ZC3H18: variants seen among roughly 807,000 people sequenced by gnomAD.
The protein encoded by ZC3H18 is zinc finger CCCH domain-containing protein 18.
ZC3H18 carries 8 observed loss-of-function variants against 106.1 expected under a neutral mutation model. That is an observed-to-expected ratio of 0.08 (90% CI 0.04 to 0.14). The LOEUF is 0.14. Ranked by LOEUF, ZC3H18 falls within the 10% of genes least tolerant of loss-of-function variation. The pLI, the probability that ZC3H18 is intolerant of heterozygous loss-of-function variation, is 1.00. For missense variants in ZC3H18, 1,318 were observed against 1,278.4 expected, an observed-to-expected ratio of 1.03 and a Z score of -0.47; for synonymous variants, 635 against 522.1, an observed-to-expected ratio of 1.22 and a Z score of -2.95.
intron 2 of ZC3H18, among the ~76,000 whole-genome samples, chr16:88,578,006 C>T (rs1049230879): frequency 6.6e-6 from 1 of 152,178 alleles, no homozygotes; most frequent in East Asian, 1.9e-4. Flanking sequence ...AGTGAAAGGT[C>T]CAGCGCCCAG....
At chr16:88,584,247 C>A (rs1457265742) in intron 2 of ZC3H18, among the ~76,000 whole-genome samples, 3 of 152,054 alleles carry the variant, frequency 2.0e-5, no homozygotes, top group African/African-American at 7.3e-5. Context: ...CATGGCAAAA[C>A]CCCGTCTCTA....
Position 88,570,416 on chromosome 16 carries a change from G to A in ZC3H18, c.-165G>A, listed in dbSNP as rs1458334338. ...TCGCGGCCTGATGACGTCGCACAAT[G>A]GCCGGCCCCCGCGGGTAGTGGAGCC... On this transcript the variant is annotated 5_prime_UTR_variant, in exon 1 of 18. The change abolishes an upstream ATG in the 5' untranslated region. Coordinates refer to ENST00000301011, the MANE Select transcript of ZC3H18 (RefSeq NM_144604.4). The A allele has an allele frequency of 6.6e-6, 1 of 152,008 alleles. No homozygotes were observed. The highest frequency in any genetic ancestry group is 1.9e-4 in the East Asian group (1 of 5,186). The allele number at this position is 152,008 out of a possible 1,614,324, so 9.4% of individuals were successfully genotyped here. A position where few individuals can be genotyped will look rare whatever the true frequency, so the allele number is the denominator to read the frequency against.
intron 8 of ZC3H18, among the ~76,000 whole-genome samples, chr16:88,614,859 C>T (rs904852938): frequency 1.3e-5 from 2 of 152,248 alleles, no homozygotes; most frequent in African/African-American, 4.8e-5. Context: ...TGAGACCCCA[C>T]TGCAAAGGTG....
chr16:88,601,887 T>A (rs982514184), intron 6 of ZC3H18, among the ~76,000 whole-genome samples: 1 of 152,006 alleles, frequency 6.6e-6, no homozygotes, highest in African/African-American at 2.4e-5. Context: ...TGGCTGTTTC[T>A]GATAGACACA....
intron 2 of ZC3H18, among the ~76,000 whole-genome samples, chr16:88,581,045 C>T (rs1471792799): frequency 6.6e-6 from 1 of 152,238 alleles, no homozygotes; most frequent in Non-Finnish European, 1.5e-5. Flanking sequence ...CCTGCAGCCT[C>T]GTGGCCTACC....
chr16:88,628,269 C>G (rs1349249149), intron 15 of ZC3H18, 150 bp downstream of exon 15: 3 of 940,952 alleles, frequency 3.2e-6, no homozygotes. Context: ...CAAAGCGAGA[C>G]TCCATCTTTC....
At chr16:88,600,012 C>A in intron 6 of ZC3H18, 64 bp downstream of exon 6, 1 of 1,578,472 alleles carries the variant, frequency 6.3e-7, no homozygotes, top group Non-Finnish European at 8.6e-7. Context: ...CCGGAGAGAG[C>A]AGCCATGTGC....
intron 7 of ZC3H18, 187 bp downstream of exon 7, chr16:88,609,238 T>G (rs754767230): frequency 2.2e-4 from 91 of 406,498 alleles, no homozygotes; most frequent in Non-Finnish European, 3.5e-4. Context: ...TTAATGGTCA[T>G]TTGAACAAAG....
At chr16:88,624,197 G>C (rs893721430) in intron 11 of ZC3H18, 135 bp downstream of exon 11, 66 of 1,265,670 alleles carry the variant, frequency 5.2e-5, no homozygotes, top group Middle Eastern at 5.1e-4. Context: ...GCCCCAGGGG[G>C]TGACTGGGCT....
At chr16:88,622,447 C>T in intron 9 of ZC3H18, 59 bp downstream of exon 9, 1 of 1,501,636 alleles carries the variant, frequency 6.7e-7, no homozygotes, top group Non-Finnish European at 9.0e-7. Flanking sequence ...CAGCTGACAC[C>T]ATGTACCTCA....
At position 88,574,313 on chromosome 16, in the gene ZC3H18, G is replaced by A. The variant is rs187698415; in HGVS notation, c.-14-2797G>A. On this transcript the variant is annotated intron_variant, in intron 1 of 17. Coordinates refer to ENST00000301011, the MANE Select transcript of ZC3H18 (RefSeq NM_144604.4). ...CAACCACTGTCTCCCAGGTTCAAGCGATTCTCTCGTCTCAGCCTCCCAAGT... is the reference window on the plus strand; with the variant it reads ...CAACCACTGTCTCCCAGGTTCAAGCAATTCTCTCGTCTCAGCCTCCCAAGT... Among the ~76,000 whole-genome samples the A allele has an allele frequency of 2.4e-4, 36 of 151,980 alleles. 2 individuals are homozygous for A. The highest frequency in any genetic ancestry group is 7.7e-4 in the African/African-American group (32 of 41,494).
intron 3 of ZC3H18, among the ~76,000 whole-genome samples, chr16:88,596,110 C>CT (rs1454352700): frequency 6.6e-6 from 1 of 152,150 alleles, no homozygotes; most frequent in Non-Finnish European, 1.5e-5. Flanking sequence ...GAGCTGAACA[C>CT]TGTCACCCAC....
chr16:88,631,558 A>G lies in ZC3H18; in HGVS notation c.*259A>G. 1.7e-6 allele frequency: 1 copy of G among 584,398 alleles called. No homozygotes were observed. Among genetic ancestry groups the G allele is most frequent in the Non-Finnish European group, 3.2e-6 (1 of 312,982 alleles). 36.2% of individuals were successfully genotyped at this position (584,398 alleles called of 1,614,324 possible). ...CCAGCACGGTTCTCATGTAAATTAC[A>G]AGCCCCAGCCGCCAGCCCCGCCTTC... On this transcript the variant is annotated 3_prime_UTR_variant, in exon 18 of 18. Coordinates refer to ENST00000301011, the MANE Select transcript of ZC3H18 (RefSeq NM_144604.4).
At chr16:88,577,900 A>T (rs1279923067) in intron 2 of ZC3H18, among the ~76,000 whole-genome samples, 174 bp downstream of exon 2, 2 of 152,206 alleles carry the variant, frequency 1.3e-5, no homozygotes, top group East Asian at 3.9e-4. Flanking sequence ...GGAGAGAAAG[A>T]GCCAGAAATC....
chr16:88,613,826 G>C (rs1905409355), intron 8 of ZC3H18, among the ~76,000 whole-genome samples: 2 of 152,042 alleles, frequency 1.3e-5, no homozygotes, highest in South Asian at 4.2e-4. Flanking sequence ...ACTAATACAG[G>C]GTCATAAAGA....
chr16:88,588,398 G>A (rs945095933), intron 3 of ZC3H18, among the ~76,000 whole-genome samples: 4 of 152,228 alleles, frequency 2.6e-5, no homozygotes, highest in African/African-American at 7.2e-5. Context: ...GCATCCACCA[G>A]GGCAGGGAGA....
chr16:88,598,336 G>A lies in ZC3H18; in HGVS notation c.837+10G>A. The A allele has an allele frequency of 6.3e-7, 1 of 1,590,378 alleles. No homozygotes were observed. Among genetic ancestry groups the A allele is most frequent in the South Asian group, 1.1e-5 (1 of 88,132 alleles). Reference sequence around the variant, plus strand: ...GCCCGCCAACCCTTGGGTGCGTGATGCCTCTTCTTTCATTGTTAGCACATC... The same window carrying A: ...GCCCGCCAACCCTTGGGTGCGTGATACCTCTTCTTTCATTGTTAGCACATC... On this transcript the variant is annotated intron_variant, in intron 4 of 17. Transcript: ENST00000301011.
chr16:88,625,224 A>T lies in ZC3H18; in HGVS notation c.2065A>T (p.Ser689Cys). The T allele has an allele frequency of 1.3e-6, 2 of 1,592,032 alleles. No homozygotes were observed. Among genetic ancestry groups the T allele is most frequent in the East Asian group, 4.6e-5 (2 of 43,700 alleles). ...PRRRTLSGSG[S>C]GSGSSYSGSS... is the part of the protein sequence containing the mutation. ...CAGGCGGACGCTAAGCGGCAGCGGC[A>T]GTGGCAGTGGTAGCAGCTATAGTGG... is the stretch of plus-strand genomic sequence containing the variant. The change falls in exon 13 of 18, where the codon AGT (serine) becomes TGT (cysteine). Residue 689 changes from serine to cysteine, a missense_variant. By Grantham distance (112) the Ser-to-Cys change is moderately radical (BLOSUM62 -1). Around this residue, in one of 6 missense-constraint regions of ZC3H18, gnomAD observed 848 missense variants for 821.7 expected, o/e 1.03. Coordinates refer to ENST00000301011, the MANE Select transcript of ZC3H18 (RefSeq NM_144604.4).
chr16:88,582,474 T>C (rs1406855252), intron 2 of ZC3H18, among the ~76,000 whole-genome samples: 1 of 152,030 alleles, frequency 6.6e-6, no homozygotes, highest in African/African-American at 2.4e-5. Flanking sequence ...CACCCGCCTT[T>C]TATGTCTGGA....
Sources: gnomAD v4.1 joint callset for allele counts (sites outside exome capture counted in the v4.1 genomes callset) on GRCh38, gnomAD v4.1.1 for gene constraint, gnomAD v4.1.1 regional missense constraint, MANE v1.5 for transcripts, NCBI Gene and HGNC (gene_info 2026-07-23, HGNC 2026-07-21) for gene names.